Variants in EDARADD observed in about 807,000 individuals in gnomAD.
EDARADD encodes EDAR associated via death domain, also known as ectodysplasin-A receptor-associated adapter protein.
A neutral mutation model predicts 25.6 loss-of-function variants in EDARADD; 20 were observed. The ratio of observed to expected loss-of-function variants is 0.78; its 90% confidence interval spans 0.55 to 1.14. The LOEUF (loss-of-function observed/expected upper bound fraction) is 1.14, where lower values mean the gene tolerates loss of function less well. Ranked by LOEUF, EDARADD falls within the 50% of genes most tolerant of loss-of-function variation. The pLI is 0.00. For missense variants in EDARADD, 225 were observed against 270.1 expected (o/e 0.83, Z 1.17); for synonymous variants, 86 against 94.4 (o/e 0.91, Z 0.52).
At chr1:236,401,551 G>A (rs1351812393) in intron 1 of EDARADD, among the ~76,000 whole-genome samples, 1 of 152,184 alleles carries the variant, frequency 6.6e-6, no homozygotes, top group Non-Finnish European at 1.5e-5. Flanking sequence ...GTGTTTCCCA[G>A]CATTCCTGAA....
At chr1:236,429,221 T>G (rs1440483079) in intron 4 of EDARADD, among the ~76,000 whole-genome samples, 9 of 48,086 alleles carry the variant, frequency 1.9e-4, no homozygotes. Context: ...AGGGAGAGAT[T>G]TTTTTTTTTT....
chr1:236,474,126 G>A (rs769162920), intron 5 of EDARADD, among the ~76,000 whole-genome samples: 1 of 152,134 alleles, frequency 6.6e-6, no homozygotes, highest in African/African-American at 2.4e-5. Flanking sequence ...ACTGGGATTC[G>A]AAGAGCACCA....
At position 236,483,489 on chromosome 1, in the gene EDARADD, A is replaced by G. The variant is rs1482188145; in HGVS notation, c.*840A>G. 25 of 1,019,688 alleles carry G rather than the reference A, an allele frequency of 2.5e-5. No homozygotes were observed. Among genetic ancestry groups the G allele is most frequent in the Non-Finnish European group, 3.6e-5 (23 of 640,922 alleles). 63.2% of individuals were successfully genotyped at this position (1,019,688 alleles called of 1,614,324 possible). A position where few individuals can be genotyped will look rare whatever the true frequency, so the allele number is the denominator to read the frequency against. On this transcript the variant is annotated 3_prime_UTR_variant, in exon 6 of 6. Coordinates refer to ENST00000334232, the MANE Select transcript of EDARADD (RefSeq NM_145861.4). ...AGAAAATAAATCTAAATTTGGTGCA[A>G]ATGCCATTCTGGGAGTGTCCCTCGC...
intron 4 of EDARADD, among the ~76,000 whole-genome samples, chr1:236,466,467 T>A (rs7415687): frequency 2.0e-4 from 24 of 119,044 alleles, no homozygotes; most frequent in Non-Finnish European, 3.7e-4. Flanking sequence ...ACACTCACAC[T>A]CACACACTCC....
intron 4 of EDARADD, among the ~76,000 whole-genome samples, chr1:236,442,814 T>C (rs1482182936): frequency 6.6e-6 from 1 of 152,224 alleles, no homozygotes; most frequent in African/African-American, 2.4e-5. Flanking sequence ...AGGAAATTAA[T>C]GTTGTTTTCA....
intron 5 of EDARADD, among the ~76,000 whole-genome samples, chr1:236,478,272 G>A (rs571719313): frequency 6.6e-6 from 1 of 152,044 alleles, no homozygotes; most frequent in Non-Finnish European, 1.5e-5. Flanking sequence ...CAATTTATGT[G>A]AAAGGTATGC....
chr1:236,423,868 G>A (rs570579092), intron 3 of EDARADD, among the ~76,000 whole-genome samples: 3 of 152,252 alleles, frequency 2.0e-5, no homozygotes, highest in African/African-American at 7.2e-5. Context: ...CACTTTGCGA[G>A]GCCGAGGTGG....
At chr1:236,438,841 C>A (rs1020866035) in intron 4 of EDARADD, among the ~76,000 whole-genome samples, 3 of 152,162 alleles carry the variant, frequency 2.0e-5, no homozygotes, top group African/African-American at 7.2e-5. Flanking sequence ...CCTACGCTGA[C>A]ACACCATTAT....
intron 3 of EDARADD, among the ~76,000 whole-genome samples, chr1:236,421,327 G>A (rs1231323355): frequency 1.4e-5 from 2 of 145,402 alleles, no homozygotes; most frequent in African/African-American, 5.0e-5. Flanking sequence ...GCTTGTTTGA[G>A]TTAAGTCCAT....
At chr1:236,410,564 C>T (rs922590497) in intron 2 of EDARADD, among the ~76,000 whole-genome samples, 4 of 152,118 alleles carry the variant, frequency 2.6e-5, no homozygotes, top group Admixed American at 2.0e-4. Flanking sequence ...CCACCTAGAC[C>T]GGAGCCCTGT....
chr1:236,353,053 G>T (rs535064627), intron 3 of EDARADD, among the ~76,000 whole-genome samples: 1 of 152,172 alleles, frequency 6.6e-6, no homozygotes, highest in Admixed American at 6.5e-5. Flanking sequence ...AGTAATAATG[G>T]TACTAACAGT....
rs182397807 is a variant in EDARADD, at chr1:236,398,481, A to T, written c.61+3976A>T. On this transcript the variant is annotated intron_variant, in intron 1 of 5. Transcript: ENST00000334232. This position sits in a 1 kb window ranked among gnomAD's most constrained non-coding sequence, Gnocchi z 4.1. ...TGCTGGCTTTCCAACACTCCGACAG[A>T]TCCTCAGTCCTTGAGGCTTACACAC... is the stretch of plus-strand genomic sequence containing the variant. 3.7e-3 allele frequency among the ~76,000 whole-genome samples: 563 copies of T among 152,308 alleles called. 3 individuals are homozygous for T. Among genetic ancestry groups the T allele is most frequent in the African/African-American group, 0.013 (540 of 41,572 alleles).
chr1:236,447,970 G>T (rs1222535049), intron 4 of EDARADD, among the ~76,000 whole-genome samples: 1 of 151,992 alleles, frequency 6.6e-6, no homozygotes, highest in African/African-American at 2.4e-5. Context: ...TGAGTAGCTG[G>T]GATTACACCT....
intron 2 of EDARADD, 72 bp downstream of exon 2, chr1:236,409,346 T>C: frequency 1.6e-6 from 2 of 1,274,140 alleles, no homozygotes; most frequent in Non-Finnish European, 2.3e-6. Context: ...TCTTTACGTT[T>C]TTATTACTCA....
chr1:236,453,844 A>G (rs184450562), intron 4 of EDARADD, among the ~76,000 whole-genome samples: 5 of 152,298 alleles, frequency 3.3e-5, no homozygotes, highest in Admixed American at 6.5e-5. Context: ...ACATGACTGT[A>G]ATTGATTTCT....
At chr1:236,364,701 T>C (rs575985702) in intron 3 of EDARADD, among the ~76,000 whole-genome samples, 2 of 110,902 alleles carry the variant, frequency 1.8e-5, no homozygotes, top group Admixed American at 2.0e-4. Context: ...TGTTTGTTGC[T>C]GGTAAACAGA....
Position 236,395,785 on chromosome 1 carries a change from G to A in EDARADD, c.61+1280G>A. ...TCGGCGACCCCCGAGGGAGGCCCGG[G>A]AACCACCCCCGACCCAGGCGCCAGA... On this transcript the variant is annotated intron_variant, in intron 1 of 5. Coordinates refer to ENST00000334232, the MANE Select transcript of EDARADD (RefSeq NM_145861.4). The surrounding 1 kb of genome is among the most constrained non-coding windows in gnomAD (Gnocchi z 6.9). The A allele has an allele frequency of 1.0e-6, 1 of 982,840 alleles. No individual in the cohort carries two copies. Among genetic ancestry groups the A allele is most frequent in the Non-Finnish European group, 1.4e-6 (1 of 702,630 alleles). 60.9% of individuals were successfully genotyped at this position (982,840 alleles called of 1,614,324 possible).
In EDARADD at chr1:236,483,853, C is replaced by T. The variant is rs185247485; in HGVS notation, c.*1204C>T. On this transcript the variant is annotated 3_prime_UTR_variant, in exon 6 of 6. Transcript: ENST00000334232. ...GAAGGCCTGGAGCTGCTGAAGACTGCGATTGGGAAAGCTGGCTACACTGAT... is the reference window on the plus strand; with the variant it reads ...GAAGGCCTGGAGCTGCTGAAGACTGTGATTGGGAAAGCTGGCTACACTGAT... 20 of 1,411,260 alleles carry T rather than the reference C, an allele frequency of 1.4e-5. No individual in the cohort carries two copies. The East Asian group carries it at 3.2e-4, about 23-fold the overall frequency. The allele number at this position is 1,411,260 out of a possible 1,614,324, so 87.4% of individuals were successfully genotyped here.
At chr1:236,411,738 A>T (rs1427350316) in intron 2 of EDARADD, among the ~76,000 whole-genome samples, 1 of 152,022 alleles carries the variant, frequency 6.6e-6, no homozygotes, top group Non-Finnish European at 1.5e-5. Flanking sequence ...TTTAGTAGAG[A>T]CGGGGTTTCA....
Sources: allele counts gnomAD v4.1 joint callset (sites outside exome capture counted in the v4.1 genomes callset), GRCh38; gene constraint gnomAD v4.1.1; non-coding constraint Gnocchi (gnomAD v3.1); transcripts MANE v1.5; gene names NCBI Gene and HGNC (gene_info 2026-07-23, HGNC 2026-07-21).